The following CYP2C19 variants were observed in gnomAD, a reference collection of about 807,000 sequenced individuals.
The protein encoded by CYP2C19 is cytochrome P450 2C19.
Under a neutral mutation model 40.9 loss-of-function variants are expected in CYP2C19, and 59 were observed. That is an observed-to-expected ratio of 1.44 (90% CI 1.17 to 1.79). The LOEUF (loss-of-function observed/expected upper bound fraction) is 1.79, where lower values mean the gene tolerates loss of function less well. Among genes scored for constraint, CYP2C19 ranks in the 40% most tolerant of loss-of-function variants. The probability of loss-of-function intolerance (pLI) is 0.00; values close to 1 mark genes in which losing one functional copy is unlikely to be tolerated. For synonymous variants in CYP2C19, 253 were observed against 208.7 expected (o/e 1.21, Z -1.83); for missense variants, 754 against 596.9 (o/e 1.26, Z -2.74).
chr10:94,802,246 T>C (rs1044721527), intron 5 of CYP2C19, among the ~76,000 whole-genome samples: 1 of 152,164 alleles, frequency 6.6e-6, no homozygotes, highest in African/African-American at 2.4e-5. Flanking sequence ...TTGGTGCATT[T>C]TACAATCCTT....
At chr10:94,770,280 T>C (rs938077995) in intron 1 of CYP2C19, among the ~76,000 whole-genome samples, 4 of 152,164 alleles carry the variant, frequency 2.6e-5, no homozygotes, top group African/African-American at 9.7e-5. Context: ...TGCCTTCCAG[T>C]GATTGCCTTG....
intron 5 of CYP2C19, among the ~76,000 whole-genome samples, chr10:94,802,129 C>A (rs1017345312): frequency 6.7e-6 from 1 of 148,474 alleles, no homozygotes; most frequent in East Asian, 1.9e-4. Context: ...CTGATTGGTC[C>A]ATTTTTCAGA....
chr10:94,841,337 A>G (rs1008592072), intron 6 of CYP2C19, among the ~76,000 whole-genome samples: 1 of 152,196 alleles, frequency 6.6e-6, no homozygotes, highest in Non-Finnish European at 1.5e-5. Context: ...TCAGGAGCAC[A>G]GCAGACACCC....
At position 94,775,429 on chromosome 10, in the gene CYP2C19, G is replaced by A. The variant is rs200346442; in HGVS notation, c.371G>A (p.Arg124Gln). ...AATGGAAAGAGATGGAAGGAGATCCGGCGTTTCTCCCTCATGACGCTGCGG... is the reference window on the plus strand; with the variant it reads ...AATGGAAAGAGATGGAAGGAGATCCAGCGTTTCTCCCTCATGACGCTGCGG... ...FSNGKRWKEI[R>Q]RFSLMTLRNF... The change falls in exon 3 of 9, where the codon CGG (arginine) becomes CAG (glutamine). Residue 124 changes from arginine to glutamine, a missense_variant. By Grantham distance (43) the Arg-to-Gln change is conservative. Transcript: ENST00000371321. The A allele has an allele frequency of 4.5e-5, 73 of 1,613,962 alleles. No individual in the cohort carries two copies. The highest frequency in any genetic ancestry group is 5.2e-5 in the Non-Finnish European group (61 of 1,180,022).
At chr10:94,790,817 G>C (rs1302983094) in intron 5 of CYP2C19, among the ~76,000 whole-genome samples, 1 of 152,066 alleles carries the variant, frequency 6.6e-6, no homozygotes, top group African/African-American at 2.4e-5. Context: ...CAGGGATATT[G>C]GTCTAAAATT....
intron 1 of CYP2C19, among the ~76,000 whole-genome samples, chr10:94,770,510 C>T (rs1848313988): frequency 2.0e-5 from 3 of 152,036 alleles, no homozygotes; most frequent in African/African-American, 4.8e-5. Flanking sequence ...CTCTTGGTAC[C>T]TATTATAGAA....
chr10:94,798,522 C>G (rs9630086), intron 5 of CYP2C19, among the ~76,000 whole-genome samples: 30,504 of 151,976 alleles, frequency 0.2, 3,282 homozygotes, highest in Middle Eastern at 0.23. Context: ...TGGTCCAGAG[C>G]TGAGTTCAAG....
At chr10:94,766,557 G>A (rs534545183) in intron 1 of CYP2C19, among the ~76,000 whole-genome samples, 2 of 152,030 alleles carry the variant, frequency 1.3e-5, no homozygotes, top group Non-Finnish European at 2.9e-5. Flanking sequence ...ATAGTAAAAG[G>A]GTTCCATTAA....
At chr10:94,825,355 G>T (rs1369555957) in intron 6 of CYP2C19, among the ~76,000 whole-genome samples, 1 of 148,596 alleles carries the variant, frequency 6.7e-6, no homozygotes, top group African/African-American at 2.5e-5. Context: ...CATTCTAACT[G>T]GTGTGAGATG....
At chr10:94,838,887 C>G (rs1337349624) in intron 6 of CYP2C19, among the ~76,000 whole-genome samples, 1 of 152,054 alleles carries the variant, frequency 6.6e-6, no homozygotes, top group Non-Finnish European at 1.5e-5. Context: ...GGTTTCTCCC[C>G]CTTGAAGAGG....
intron 5 of CYP2C19, 84 bp from the exon 6 acceptor site, chr10:94,820,412 A>G (rs535064064): frequency 3.9e-5 from 58 of 1,480,916 alleles, no homozygotes; most frequent in Non-Finnish European, 5.3e-5. Context: ...GTTGGTAAGT[A>G]TACAATGTGA....
At chr10:94,798,535 C>T (rs1848720596) in intron 5 of CYP2C19, among the ~76,000 whole-genome samples, 1 of 152,098 alleles carries the variant, frequency 6.6e-6, no homozygotes, top group Non-Finnish European at 1.5e-5. Flanking sequence ...AGTTCAAGAT[C>T]TGGATATCTT....
At chr10:94,850,113 C>G (rs1462749060) in intron 8 of CYP2C19, 55 bp downstream of exon 8, 5 of 1,597,276 alleles carry the variant, frequency 3.1e-6, no homozygotes, top group African/African-American at 2.7e-5. Context: ...CTTTTTTGAT[C>G]AGTTGGAACT....
chr10:94,781,849 A>T lies in CYP2C19; in HGVS notation c.671A>T (p.Asp224Val), dbSNP rs768974528. Residue 224 changes from aspartate to valine, a missense_variant, in exon 5 of 9, where the codon GAT becomes GTT. By Grantham distance (152) the Asp-to-Val change is radical. Transcript: ENST00000371321. ...QICNNFPTII[D>V]YFPGTHNKLL... ...TGCAATAATTTTCCCACTATCATTG[A>T]TTATTTCCCGGGAACCCATAACAAA... The T allele has an allele frequency of 7.5e-6, 11 of 1,468,812 alleles. No homozygotes were observed. The highest frequency in any genetic ancestry group is 9.0e-6 in the Non-Finnish European group (10 of 1,114,722). The allele number at this position is 1,468,812 out of a possible 1,614,324, so 91.0% of individuals were successfully genotyped here.
At chr10:94,763,195 TTTG>T (rs1848196462) in intron 1 of CYP2C19, among the ~76,000 whole-genome samples, 1 of 152,174 alleles carries the variant, frequency 6.6e-6, no homozygotes, top group Admixed American at 6.5e-5. Context: ...AAGGGAAGTG[TTTG>T]TTATTAGAGA....
chr10:94,810,732 A>C (rs551279507), intron 5 of CYP2C19, among the ~76,000 whole-genome samples: 23 of 152,174 alleles, frequency 1.5e-4, no homozygotes, highest in African/African-American at 5.5e-4. Context: ...CAGTGGTGAT[A>C]TCCCCTTTAT....
In CYP2C19 at chr10:94,831,606, G is replaced by A. The variant is rs112871075; in HGVS notation, c.961+10969G>A. The stretch of plus-strand genomic sequence containing the variant: ...GGATATAAGCCATTTTAACTGGAGT[G>A]AGGTGACATCTCATTGTAGTTTTGA... On this transcript the variant is annotated intron_variant, in intron 6 of 8. Coordinates refer to ENST00000371321, the MANE Select transcript of CYP2C19 (RefSeq NM_000769.4). Among the ~76,000 whole-genome samples, 810 of 152,280 alleles carry A rather than the reference G, an allele frequency of 5.3e-3. 6 individuals carry two copies. The highest frequency in any genetic ancestry group is 7.1e-3 in the Non-Finnish European group (480 of 68,016).
intron 6 of CYP2C19, among the ~76,000 whole-genome samples, chr10:94,829,220 G>C (rs1422534004): frequency 6.6e-6 from 1 of 152,172 alleles, no homozygotes; most frequent in African/African-American, 2.4e-5. Context: ...TGCCGTGCTA[G>C]ATTGGGGAAG....
Position 94,854,367 on chromosome 10 carries a change from C to T in CYP2C19, c.*1453C>T, listed in dbSNP as rs1468177624. Among the ~76,000 whole-genome samples, 2 of 152,036 alleles carry T rather than the reference C, an allele frequency of 1.3e-5. No individual in the cohort carries two copies. The highest frequency in any genetic ancestry group is 4.8e-5 in the African/African-American group (2 of 41,400). On this transcript the variant is annotated 3_prime_UTR_variant, in exon 9 of 9. Coordinates refer to ENST00000371321, the MANE Select transcript of CYP2C19 (RefSeq NM_000769.4). ...ACCAGGGTTTAATCTTTTTCAGCTT[C>T]TCCTATATTGTTTTAGTTTTAACAT...
Sources: allele counts gnomAD v4.1 joint callset (sites outside exome capture counted in the v4.1 genomes callset), GRCh38; gene constraint gnomAD v4.1.1; transcripts MANE v1.5; gene names NCBI Gene and HGNC (gene_info 2026-07-23, HGNC 2026-07-21).